Variants in IBTK observed in about 807,000 individuals in gnomAD.
The protein encoded by IBTK is inhibitor of Bruton tyrosine kinase.
In IBTK, 83 loss-of-function variants were observed where a neutral mutation model predicts 154.9. The observed-to-expected ratio is 0.54, with a 90% confidence interval of 0.45 to 0.64. IBTK has a LOEUF of 0.64. Ranked by LOEUF, IBTK falls within the 30% of genes least tolerant of loss-of-function variation. The pLI is 0.00. For missense variants in IBTK, 1,332 were observed against 1,584.6 expected (o/e 0.84, Z 2.71); for synonymous variants, 515 against 536.1 (o/e 0.96, Z 0.54).
Position 82,206,258 on chromosome 6 carries a change from A to C in IBTK, c.2510-1300T>G, listed in dbSNP as rs141861646. ...CAGCCTAGTAGCCACAGGAGACAGA[A>C]CAGTTGTAGAGCAATAGTATCCTTA... On this transcript the variant is annotated intron_variant, in intron 16 of 28. Transcript: ENST00000306270. Among the ~76,000 whole-genome samples, 12 of 152,290 alleles carry C rather than the reference A, an allele frequency of 7.9e-5. No individual in the cohort carries two copies. In the East Asian group the frequency reaches 2.1e-3, roughly 27 times the overall value.
At chr6:82,201,554 T>G in intron 18 of IBTK, 72 bp from the exon 19 acceptor site, 2 of 993,014 alleles carry the variant, frequency 2.0e-6, no homozygotes, top group Non-Finnish European at 3.0e-6. Context: ...CTTACATACG[T>G]AGATATTTCA....
intron 8 of IBTK, 113 bp from the exon 9 acceptor site, chr6:82,220,826 G>A (rs1239135015): frequency 1.2e-6 from 1 of 862,148 alleles, no homozygotes; most frequent in African/African-American, 1.7e-5. Context: ...TTGTGAAGGT[G>A]AAGTAAAATG....
At chr6:82,200,037 G>T in intron 21 of IBTK, 104 bp downstream of exon 21, 2 of 721,250 alleles carry the variant, frequency 2.8e-6, no homozygotes, top group Non-Finnish European at 4.7e-6. Flanking sequence ...ATCACTTTTG[G>T]TACCTCCATA....
intron 26 of IBTK, among the ~76,000 whole-genome samples, chr6:82,179,158 G>A (rs374952508): frequency 1.1e-4 from 17 of 152,312 alleles, no homozygotes; most frequent in Admixed American, 2.0e-4. Flanking sequence ...TTAGTATATG[G>A]ATTTGAGAAA....
At chr6:82,196,576 A>G (rs1278494547) in intron 21 of IBTK, 130 bp from the exon 22 acceptor site, 1 of 469,690 alleles carries the variant, frequency 2.1e-6, no homozygotes, top group East Asian at 3.5e-5. Context: ...TATTTATGGT[A>G]TAAAAATCTT....
Position 82,217,986 on chromosome 6 carries a change from T to A in IBTK, c.1400A>T (p.Glu467Val). The A allele has an allele frequency of 6.2e-7, 1 of 1,602,134 alleles. No individual in the cohort carries two copies. The highest frequency in any genetic ancestry group is 1.1e-5 in the South Asian group (1 of 88,706). Residue 467 changes from glutamate to valine, a missense_variant, in exon 10 of 29, where the codon GAG becomes GTG. This residue lies in a region of IBTK where 1,134 missense variants were observed against 1,274.7 expected (regional missense o/e 0.89). Transcript: ENST00000306270. ...TTTCTTTTCAGAACTCTTTCTTTTC[T>A]CTTCAAACCATCTCCCTCTAAATCC... The part of the protein sequence containing the change: ...GEGFRGRWFE[E>V]KRKSSEKKEI...
chr6:82,192,580 C>T (rs914802728), intron 23 of IBTK, among the ~76,000 whole-genome samples: 7 of 151,212 alleles, frequency 4.6e-5, no homozygotes. Context: ...AATCCCGTCA[C>T]TACTAAAAAT....
intron 1 of IBTK, among the ~76,000 whole-genome samples, chr6:82,241,631 T>C (rs1262069823): frequency 6.6e-6 from 1 of 152,240 alleles, no homozygotes; most frequent in Non-Finnish European, 1.5e-5. Flanking sequence ...AGACTCTTTT[T>C]TTATAATCAC....
At position 82,227,177 on chromosome 6, in the gene IBTK, T is replaced by C; in HGVS notation, c.654+15A>G. 1 of 1,527,764 alleles carries C rather than the reference T, an allele frequency of 6.5e-7. No individual in the cohort carries two copies. The allele number at this position is 1,527,764 out of a possible 1,614,324, so 94.6% of individuals were successfully genotyped here. On this transcript the variant is annotated intron_variant, in intron 5 of 28. Coordinates refer to ENST00000306270, the MANE Select transcript of IBTK (RefSeq NM_015525.4). ...TTCTAAAGTTACCTAAATAGTGTAA[T>C]GACATTTCAATTACCAAGCATGTCT...
At chr6:82,213,355 C>A (rs1315502040) in intron 12 of IBTK, among the ~76,000 whole-genome samples, 3 of 151,972 alleles carry the variant, frequency 2.0e-5, no homozygotes, top group Non-Finnish European at 4.4e-5. Context: ...ACAGGAAACA[C>A]GATACACACC....
chr6:82,200,342 G>A, intron 20 of IBTK, 89 bp from the exon 21 acceptor site: 1 of 929,134 alleles, frequency 1.1e-6, no homozygotes, highest in South Asian at 1.5e-5. Flanking sequence ...TAACCTGAAG[G>A]CTACTTTTTA....
At chr6:82,209,224 T>C (rs1769533692) in intron 16 of IBTK, among the ~76,000 whole-genome samples, 1 of 152,170 alleles carries the variant, frequency 6.6e-6, no homozygotes, top group Non-Finnish European at 1.5e-5. Flanking sequence ...TCTAGGTATA[T>C]GCCCAAGAAA....
Position 82,214,816 on chromosome 6 carries a change from G to C in IBTK, c.1615C>G (p.Pro539Ala), listed in dbSNP as rs759848794. 1 of 1,576,648 alleles carries C rather than the reference G, an allele frequency of 6.3e-7. No homozygotes were observed. The highest frequency in any genetic ancestry group is 1.2e-5 in the South Asian group (1 of 85,580). The change falls in exon 12 of 29, where the codon CCA (proline) becomes GCA (alanine). Residue 539 changes from proline to alanine, a missense_variant. Pro to Ala is a conservative substitution (Grantham distance 27). This residue lies in a region of IBTK where 1,134 missense variants were observed against 1,274.7 expected (regional missense o/e 0.89). Coordinates refer to ENST00000306270, the MANE Select transcript of IBTK (RefSeq NM_015525.4). The stretch of plus-strand genomic sequence containing the variant: ...AAAAAGGATGATGAGGACACAGCTG[G>C]AATTTCATAAAGGCTAGAAAGAAGA... ...SDPKTSLYEI[P>A]AVSSSSFFEE...
chr6:82,211,436 A>G (rs759277774), intron 14 of IBTK, 32 bp from the exon 15 acceptor site: 3 of 1,604,448 alleles, frequency 1.9e-6, no homozygotes, highest in Admixed American at 1.7e-5. Context: ...TGCAATAAGA[A>G]TAGTGAAACA....
chr6:82,212,123 T>C (rs1480719204), intron 13 of IBTK, among the ~76,000 whole-genome samples: 2 of 151,830 alleles, frequency 1.3e-5, no homozygotes, highest in Non-Finnish European at 2.9e-5. Context: ...GCCTCCCAAG[T>C]GGCTGGGATC....
rs570477375 is a variant in IBTK, at chr6:82,177,557, C to T, written c.3726-4119G>A. On this transcript the variant is annotated intron_variant, in intron 26 of 28. Coordinates refer to ENST00000306270, the MANE Select transcript of IBTK (RefSeq NM_015525.4). ...CCTCCCAAGTAGCTGGGATTACAGG[C>T]ATGTGCCACCCCTGGCCCGGCTAAT... Among the ~76,000 whole-genome samples the T allele has an allele frequency of 1.9e-3, 289 of 152,202 alleles. 1 individual carries two copies. The highest frequency in any genetic ancestry group is 6.6e-3 in the African/African-American group (273 of 41,528).
At chr6:82,198,727 G>T (rs1317236535) in intron 21 of IBTK, among the ~76,000 whole-genome samples, 1 of 152,068 alleles carries the variant, frequency 6.6e-6, no homozygotes, top group East Asian at 1.9e-4. Context: ...ATAGACAAGA[G>T]TAACCTACCA....
chr6:82,180,054 A>ATAGGCAGGGG (rs70984225), intron 26 of IBTK, among the ~76,000 whole-genome samples: 2 of 152,156 alleles, frequency 1.3e-5, no homozygotes, highest in South Asian at 2.1e-4. Context: ...TTTGTTCACC[A>ATAGGCAGGGG]CTGCAACTCT....
chr6:82,188,983 T>G (rs1192561447), intron 25 of IBTK: 2 of 423,106 alleles, frequency 4.7e-6, no homozygotes, highest in Non-Finnish European at 9.3e-6. Flanking sequence ...TGAACCAAGA[T>G]CGCACCACTG....
Sources: allele counts gnomAD v4.1 joint callset (sites outside exome capture counted in the v4.1 genomes callset), GRCh38; gene constraint gnomAD v4.1.1; regional missense constraint gnomAD v4.1.1; transcripts MANE v1.5; gene names NCBI Gene and HGNC (gene_info 2026-07-23, HGNC 2026-07-21).